Variants in CCDC171 observed in about 807,000 individuals in gnomAD.
The protein encoded by CCDC171 is coiled-coil domain containing 171.
Under a neutral mutation model 168.2 loss-of-function variants are expected in CCDC171, and 177 were observed. The ratio of observed to expected loss-of-function variants is 1.05; its 90% CI spans 0.93 to 1.19. CCDC171 has a LOEUF of 1.19. Ranked by LOEUF, CCDC171 falls within the 50% of genes most tolerant of loss-of-function variation. CCDC171 has a pLI of 0.00. For missense variants in CCDC171, 1,991 were observed against 1,539.0 expected (o/e 1.29, Z -4.91); for synonymous variants, 687 against 540.8 (o/e 1.27, Z -3.75).
At chr9:15,654,329 A>G (rs2047756630) in intron 7 of CCDC171, among the ~76,000 whole-genome samples, 1 of 152,222 alleles carries the variant, frequency 6.6e-6, no homozygotes, top group South Asian at 2.1e-4. Flanking sequence ...TCATGTTTGC[A>G]AAACACAGAG....
At chr9:15,935,576 T>A (rs933587877) in intron 25 of CCDC171, among the ~76,000 whole-genome samples, 1 of 152,098 alleles carries the variant, frequency 6.6e-6, no homozygotes, top group Non-Finnish European at 1.5e-5. Context: ...AATTTGGTTA[T>A]ATTAGCATAT....
intron 6 of CCDC171, among the ~76,000 whole-genome samples, chr9:15,607,720 A>G (rs1403818191): frequency 6.6e-6 from 1 of 152,086 alleles, no homozygotes; most frequent in Non-Finnish European, 1.5e-5. Flanking sequence ...GCCTTGGCCT[A>G]TCAAAGTGCT....
chr9:15,951,012 C>G (rs921727151), intron 25 of CCDC171, among the ~76,000 whole-genome samples: 3 of 150,234 alleles, frequency 2.0e-5, no homozygotes, highest in African/African-American at 2.4e-5. Flanking sequence ...CAACAAAGAT[C>G]AAAAGAGACA....
At chr9:16,018,625 T>C (rs1833089928) in intron 3 of CCDC171, among the ~76,000 whole-genome samples, 1 of 152,242 alleles carries the variant, frequency 6.6e-6, no homozygotes, top group Admixed American at 6.5e-5. Context: ...AGGGCCGCTG[T>C]GTTGTATAAT....
At chr9:16,013,239 T>C (rs1051512136) in intron 3 of CCDC171, among the ~76,000 whole-genome samples, 1 of 152,186 alleles carries the variant, frequency 6.6e-6, no homozygotes, top group African/African-American at 2.4e-5. Flanking sequence ...CCTGCCTCTG[T>C]CCACCCTCTT....
the CCDC171 span, among the ~76,000 whole-genome samples, chr9:16,079,997 C>G: frequency 6.6e-6 from 1 of 152,178 alleles, no homozygotes; most frequent in South Asian, 2.1e-4. Flanking sequence ...AGAAACCTTC[C>G]ATGCTTGTGA....
chr9:15,825,156 A>G (rs563895157), intron 21 of CCDC171, among the ~76,000 whole-genome samples: 3 of 152,256 alleles, frequency 2.0e-5, no homozygotes, highest in East Asian at 1.9e-4. Context: ...AGTTTACACT[A>G]TTAGAAATAG....
At chr9:15,637,234 C>T (rs909264346) in intron 7 of CCDC171, among the ~76,000 whole-genome samples, 10 of 152,096 alleles carry the variant, frequency 6.6e-5, no homozygotes, top group Admixed American at 5.9e-4. Context: ...CCAGCCTGGG[C>T]AACAGAGCAA....
At chr9:15,772,969 A>C (rs766103251) in intron 18 of CCDC171, among the ~76,000 whole-genome samples, 1 of 152,026 alleles carries the variant, frequency 6.6e-6, no homozygotes, top group African/African-American at 2.4e-5. Context: ...AACAATACTC[A>C]TTATTAATAT....
rs900433731 is a variant in CCDC171, at chr9:15,786,669, A to T, written c.3267+1975A>T. On this transcript the variant is annotated intron_variant, in intron 21 of 25. Transcript: ENST00000380701. ...GTCCAGATGGCCTATAGGAGCCAAG[A>T]AGTCTGGAGCAGCTGAAAAACCACA... 7.5e-4 allele frequency among the ~76,000 whole-genome samples: 114 copies of T among 152,248 alleles called. 1 individual carries two copies. Among genetic ancestry groups the T allele is most frequent in the African/African-American group, 2.5e-3 (105 of 41,548 alleles).
At chr9:15,907,552 A>G (rs1043594958) in intron 24 of CCDC171, among the ~76,000 whole-genome samples, 1 of 152,198 alleles carries the variant, frequency 6.6e-6, no homozygotes, top group Non-Finnish European at 1.5e-5. Flanking sequence ...AACCATAAAA[A>G]CCCTAGAAGA....
At chr9:16,094,650 A>G in the CCDC171 span, among the ~76,000 whole-genome samples, 1 of 152,222 alleles carries the variant, frequency 6.6e-6, no homozygotes, top group African/African-American at 2.4e-5. Flanking sequence ...GAGTGGGACT[A>G]TGTTAACATT....
intron 16 of CCDC171, among the ~76,000 whole-genome samples, chr9:15,743,118 A>G (rs2055000288): frequency 6.7e-6 from 1 of 148,812 alleles, no homozygotes; most frequent in African/African-American, 2.5e-5. Flanking sequence ...ATAGTAAAGG[A>G]AACTGGGATC....
intron 20 of CCDC171, among the ~76,000 whole-genome samples, chr9:15,779,963 C>T (rs912642817): frequency 1.3e-5 from 2 of 152,132 alleles, no homozygotes; most frequent in African/African-American, 4.8e-5. Context: ...TAAAAGATTA[C>T]CCTGAAACTT....
chr9:15,910,683 C>G (rs1475882087), intron 24 of CCDC171, among the ~76,000 whole-genome samples: 3 of 152,104 alleles, frequency 2.0e-5, no homozygotes, highest in South Asian at 2.1e-4. Context: ...TCTCCTAATG[C>G]TATCCCTCCC....
chr9:16,056,391 G>C (rs1833841040), intron 1 of CCDC171, among the ~76,000 whole-genome samples: 1 of 152,198 alleles, frequency 6.6e-6, no homozygotes. Flanking sequence ...TGGATTTTTA[G>C]TTGTACTAAG....
intron 23 of CCDC171, among the ~76,000 whole-genome samples, chr9:15,874,202 T>C (rs1033796221): frequency 3.3e-5 from 5 of 152,140 alleles, no homozygotes; most frequent in Admixed American, 1.3e-4. Context: ...GGCTGTTGTT[T>C]TTGATTTTGT....
At chr9:15,755,698 A>C (rs1159364768) in intron 18 of CCDC171, among the ~76,000 whole-genome samples, 1 of 152,214 alleles carries the variant, frequency 6.6e-6, no homozygotes. Flanking sequence ...ATGGTGACAA[A>C]AGATCACATA....
At chr9:16,035,083 A>G (rs756123967) in intron 6 of CCDC171, among the ~76,000 whole-genome samples, 1 of 152,200 alleles carries the variant, frequency 6.6e-6, no homozygotes, top group Non-Finnish European at 1.5e-5. Flanking sequence ...GAGAATAAAG[A>G]AAACTTAGGT....
Sources: allele counts gnomAD v4.1 joint callset (sites outside exome capture counted in the v4.1 genomes callset), GRCh38; gene constraint gnomAD v4.1.1; transcripts MANE v1.5; gene names NCBI Gene and HGNC (gene_info 2026-07-23, HGNC 2026-07-21).